The following CCDC57 variants were observed in gnomAD, a reference collection of about 807,000 sequenced individuals.
CCDC57 encodes coiled-coil domain containing 57, also known as coiled-coil domain-containing protein 57.
Under a neutral mutation model 118.9 loss-of-function variants are expected in CCDC57, and 118 were observed. The observed-to-expected ratio is 0.99, with a 90% CI of 0.86 to 1.16. CCDC57 has a LOEUF of 1.16. CCDC57 is among the 50% of genes most tolerant of loss of function. The pLI, the probability that CCDC57 is intolerant of heterozygous loss-of-function variation, is 0.00. For synonymous variants in CCDC57, 527 were observed against 532.9 expected, an observed-to-expected ratio of 0.99 and a Z score of 0.15; for missense variants, 1,300 against 1,320.7, an observed-to-expected ratio of 0.98 and a Z score of 0.24.
intron 16 of CCDC57, among the ~76,000 whole-genome samples, chr17:82,142,296 C>G (rs891208952): frequency 5.3e-5 from 8 of 151,986 alleles, no homozygotes; most frequent in Non-Finnish European, 1.0e-4. Flanking sequence ...CTAAGTAACA[C>G]AGCACTGAAG....
exon 3 of CCDC57, chr17:82,201,732 C>A (rs1285750562): frequency 1.9e-6 from 3 of 1,613,854 alleles, no homozygotes; most frequent in African/African-American, 1.3e-5. Context: ...CATAGCGCTC[C>A]AGCTCGAGGT....
intron 19 of CCDC57, among the ~76,000 whole-genome samples, chr17:82,126,126 C>G (rs2037395525): frequency 6.6e-6 from 1 of 151,892 alleles, no homozygotes; most frequent in Admixed American, 6.6e-5. Flanking sequence ...ACTAAAAATA[C>G]AAAATTAGCC....
In CCDC57 at chr17:82,195,375, C is replaced by G; in HGVS notation, c.517-11G>C. 2 of 1,576,160 alleles carry G rather than the reference C, an allele frequency of 1.3e-6. No homozygotes were observed. The highest frequency in any genetic ancestry group is 1.2e-5 in the South Asian group (1 of 85,660). ...CTCCAGCAGCAGTTCCTGGAACAAA[C>G]AGGTTTCATGATGAAAGAACAGTGG... On this transcript the variant is annotated splice_polypyrimidine_tract_variant and intron_variant, in intron 4 of 19. Transcript: ENST00000665763.
intron 4 of CCDC57, among the ~76,000 whole-genome samples, chr17:82,196,808 C>T (rs567742352): frequency 2.0e-5 from 3 of 151,516 alleles, no homozygotes; most frequent in Admixed American, 6.5e-5. Context: ...CCTGCAGAGA[C>T]GCAGCCCCTC....
At chr17:82,126,450 A>ACTGCTTTCTT in intron 19 of CCDC57, 1 of 977,264 alleles carries the variant, frequency 1.0e-6, no homozygotes, top group African/African-American at 1.7e-5. Flanking sequence ...TATCACATAT[A>ACTGCTTTCTT]ATGAGCTGCT....
intron 16 of CCDC57, among the ~76,000 whole-genome samples, chr17:82,142,956 G>T (rs1008191467): frequency 1.3e-5 from 2 of 152,082 alleles, no homozygotes; most frequent in Non-Finnish European, 2.9e-5. Context: ...CCTGAGGTCA[G>T]GAGTTCGAGA....
Position 82,163,358 on chromosome 17 carries a change from C to G in CCDC57, c.1883-1G>C. The stretch of plus-strand genomic sequence containing the variant: ...GCTTGACCAGCTTGGGCAGACCCTC[C>G]TGCAGAGAAGAGTGGCTTCTGTCAG... On this transcript the variant is annotated splice_acceptor_variant, in intron 13 of 19. Coordinates refer to ENST00000665763, the Ensembl canonical transcript of CCDC57. LOFTEE classifies it high-confidence loss of function. The G allele has an allele frequency of 6.2e-7, 1 of 1,613,882 alleles. No individual in the cohort carries two copies. The highest frequency in any genetic ancestry group is 1.1e-5 in the South Asian group (1 of 91,078).
At position 82,173,809 on chromosome 17, in the gene CCDC57, C is replaced by G. The variant is rs114372346; in HGVS notation, c.1507-949G>C. Among the ~76,000 whole-genome samples the G allele has an allele frequency of 4.9e-3, 682 of 139,164 alleles. 5 individuals are homozygous for G. Among genetic ancestry groups the G allele is most frequent in the African/African-American group, 0.017 (646 of 38,282 alleles). 91.3% of individuals were successfully genotyped at this position (139,164 alleles called of 152,430 possible). A position where few individuals can be genotyped will look rare whatever the true frequency, so the allele number is the denominator to read the frequency against. ...AGGAGCCACCAAGGCGGGAGGACAA[C>G]GAGGTGAGGTGGCTCCGGTGCAGGA... On this transcript the variant is annotated intron_variant, in intron 11 of 19. Coordinates refer to ENST00000665763, the Ensembl canonical transcript of CCDC57.
chr17:82,114,707 C>T (rs2035627473), intron 19 of CCDC57, among the ~76,000 whole-genome samples: 3 of 152,214 alleles, frequency 2.0e-5, no homozygotes, highest in African/African-American at 7.2e-5. Flanking sequence ...CACAGCCACT[C>T]CACCCCCAGG....
Position 82,163,079 on chromosome 17 carries a change from A to C in CCDC57, c.2040+121T>G, listed in dbSNP as rs1028025907. The stretch of plus-strand genomic sequence containing the variant: ...CCCTTCCTCAGAAAAAAACAGGCAG[A>C]GAGAGGTCAGTGGATGCCCGAGGTC... On this transcript the variant is annotated intron_variant, in intron 14 of 19. Transcript: ENST00000665763. 3.3e-6 allele frequency: 4 copies of C among 1,224,928 alleles called. No individual in the cohort carries two copies. The African/African-American group carries it at 6.0e-5, about 18-fold the overall frequency. The allele number at this position is 1,224,928 out of a possible 1,614,324, so 75.9% of individuals were successfully genotyped here. A position where few individuals can be genotyped will look rare whatever the true frequency, so the allele number is the denominator to read the frequency against.
At chr17:82,188,078 G>C in intron 8 of CCDC57, 141 bp downstream of exon 7, 1 of 531,520 alleles carries the variant, frequency 1.9e-6, no homozygotes, top group Non-Finnish European at 3.1e-6. Context: ...GAGTGGTTAA[G>C]AAAAGTGACT....
intron 19 of CCDC57, among the ~76,000 whole-genome samples, chr17:82,119,616 G>A (rs891068299): frequency 2.6e-5 from 4 of 152,136 alleles, no homozygotes; most frequent in Admixed American, 6.5e-5. Context: ...GGAGGAGGCA[G>A]GTGCTGGGCA....
intron 2 of CCDC57, among the ~76,000 whole-genome samples, chr17:82,207,054 T>C (rs2049747118): frequency 6.6e-6 from 1 of 152,304 alleles, no homozygotes; most frequent in African/African-American, 2.4e-5. Context: ...TTAGAAATTA[T>C]GGTTTAGGGC....
chr17:82,192,958 G>A lies in CCDC57; in HGVS notation c.851+798C>T, dbSNP rs1201038815. 2.0e-5 allele frequency among the ~76,000 whole-genome samples: 3 copies of A among 152,026 alleles called. No individual in the cohort carries two copies. The highest frequency in any genetic ancestry group is 1.9e-4 in the East Asian group (1 of 5,194). Reference sequence around the variant, plus strand: ...TTTCACTGTTGGTCAGGGTGGTCTCGAATTCCTGACCTCAAGTGATCCACC... The same window carrying A: ...TTTCACTGTTGGTCAGGGTGGTCTCAAATTCCTGACCTCAAGTGATCCACC... On this transcript the variant is annotated intron_variant, in intron 7 of 19. Transcript: ENST00000665763. The surrounding 1 kb of genome is among the most constrained non-coding windows in gnomAD (Gnocchi z 4.0).
intron 16 of CCDC57, among the ~76,000 whole-genome samples, chr17:82,144,337 C>T (rs2040427809): frequency 6.6e-6 from 1 of 152,076 alleles, no homozygotes. Flanking sequence ...AGAAAAATGT[C>T]AACATACAGA....
At chr17:82,200,447 T>C (rs1458440202) in intron 3 of CCDC57, among the ~76,000 whole-genome samples, 1 of 152,102 alleles carries the variant, frequency 6.6e-6, no homozygotes, top group East Asian at 1.9e-4. Context: ...TGACTTTCTA[T>C]GATAAGAATA....
intron 15 of CCDC57, 176 bp from the exon 15 acceptor site, chr17:82,151,949 G>A: frequency 1.7e-6 from 1 of 604,426 alleles, no homozygotes; most frequent in Non-Finnish European, 2.9e-6. Flanking sequence ...CAGTGCTTCA[G>A]TGGGTTCCTT....
At chr17:82,178,796 G>A (rs1054473117) in intron 10 of CCDC57, among the ~76,000 whole-genome samples, 191 bp from the exon 10 acceptor site, 3 of 152,234 alleles carry the variant, frequency 2.0e-5, no homozygotes, top group East Asian at 1.9e-4. Context: ...ATCATGCAGC[G>A]CTACTCAAAC....
chr17:82,168,775 A>T (rs139266010), intron 13 of CCDC57, among the ~76,000 whole-genome samples: 1,888 of 136,246 alleles, frequency 0.014, 17 homozygotes, highest in South Asian at 0.024. Flanking sequence ...ACGTAACAAT[A>T]TAAGGGTCAA....
Sources: gnomAD v4.1 joint callset for allele counts (sites outside exome capture counted in the v4.1 genomes callset) on GRCh38, gnomAD v4.1.1 for gene constraint, Gnocchi (gnomAD v3.1) non-coding constraint, MANE v1.5 for transcripts, NCBI Gene and HGNC (gene_info 2026-07-23, HGNC 2026-07-21) for gene names.